The following GPR141 variants were observed in gnomAD, a reference collection of about 807,000 sequenced individuals.
GPR141 encodes the protein G protein-coupled receptor 141.
In GPR141, 6 loss-of-function variants were observed where a neutral mutation model predicts 6.8. The ratio of observed to expected loss-of-function variants is 0.88; its 90% CI spans 0.48 to 1.74. The LOEUF (loss-of-function observed/expected upper bound fraction) is 1.74. GPR141 is among the 40% of genes most tolerant of loss of function. The probability of loss-of-function intolerance (pLI) is 0.01; values close to 1 mark genes in which losing one functional copy is unlikely to be tolerated. For synonymous variants in GPR141, 140 were observed against 142.3 expected (o/e 0.98, Z 0.11); for missense variants, 372 against 372.9 (o/e 1.00, Z 0.02).
At position 37,742,608 on chromosome 7, in the gene GPR141, T is replaced by C. The variant is rs1812621213; in HGVS notation, c.*1297T>C. On this transcript the variant is annotated 3_prime_UTR_variant, in exon 3 of 3. Coordinates refer to ENST00000334425, the MANE Select transcript of GPR141 (RefSeq NM_001381946.1). ...TTTAAAAGAGGACTTTTGAGAAGTATATAGAAAAACCATTAATTTAGACTC... is the reference window on the plus strand; with the variant it reads ...TTTAAAAGAGGACTTTTGAGAAGTACATAGAAAAACCATTAATTTAGACTC... Among the ~76,000 whole-genome samples, 5 of 152,302 alleles carry C rather than the reference T, an allele frequency of 3.3e-5. No individual in the cohort carries two copies. The South Asian group carries it at 1.0e-3, about 32-fold the overall frequency.
chr7:37,732,340 C>G (rs931471681), intron 2 of GPR141, among the ~76,000 whole-genome samples: 4 of 151,496 alleles, frequency 2.6e-5, no homozygotes, highest in Non-Finnish European at 5.9e-5. Context: ...AGAGTCAGAG[C>G]CCCCTCACCT....
rs796220400 is a variant in GPR141, at chr7:37,703,941, T to TA, written c.-15+18364dup. Among the ~76,000 whole-genome samples, 4 of 152,146 alleles carry TA rather than the reference T, an allele frequency of 2.6e-5. No individual in the cohort carries two copies. In the East Asian group the frequency reaches 7.7e-4, roughly 29 times the overall value. On this transcript the variant is annotated intron_variant, in intron 2 of 2. Coordinates refer to ENST00000334425, the MANE Select transcript of GPR141 (RefSeq NM_001381946.1). Reference sequence around the variant, plus strand: ...TATTTTTCAAAATGCCTATACATTTTAAAAAATCACTTACTTTTAATATAT... The same window carrying TA: ...TATTTTTCAAAATGCCTATACATTTTAAAAAAATCACTTACTTTTAATATAT...
intron 2 of GPR141, among the ~76,000 whole-genome samples, chr7:37,726,934 G>A (rs1014548063): frequency 1.3e-5 from 2 of 152,198 alleles, no homozygotes; most frequent in Non-Finnish European, 2.9e-5. Flanking sequence ...GAGAAAAAGA[G>A]GAATTAGGGA....
Position 37,685,581 on chromosome 7 carries a change from C to T in GPR141, c.-17C>T, listed in dbSNP as rs960610092. On this transcript the variant is annotated splice_region_variant and 5_prime_UTR_variant, in exon 2 of 3. Coordinates refer to ENST00000334425, the MANE Select transcript of GPR141 (RefSeq NM_001381946.1). ...TCAGCCTCCTCAGTAGCTGAGACTA[C>T]AGGTACTTGCCACCACACCTGGCTA... 7 of 151,956 alleles carry T rather than the reference C, an allele frequency of 4.6e-5. No individual in the cohort carries two copies. The highest frequency in any genetic ancestry group is 4.6e-4 in the Admixed American group (7 of 15,220). The allele number at this position is 151,956 out of a possible 1,614,324, so 9.4% of individuals were successfully genotyped here.
At chr7:37,711,575 T>C (rs1810797408) in intron 2 of GPR141, among the ~76,000 whole-genome samples, 1 of 152,162 alleles carries the variant, frequency 6.6e-6, no homozygotes, top group Non-Finnish European at 1.5e-5. Context: ...TTGAGATAAC[T>C]CCTCCTTTTA....
At chr7:37,739,501 C>T (rs548942533) in intron 2 of GPR141, among the ~76,000 whole-genome samples, 4 of 152,066 alleles carry the variant, frequency 2.6e-5, no homozygotes, top group South Asian at 4.1e-4. Flanking sequence ...CAATCTTTAT[C>T]GTAGGAGAGA....
At chr7:37,699,121 C>G (rs978250649) in intron 2 of GPR141, among the ~76,000 whole-genome samples, 7 of 152,196 alleles carry the variant, frequency 4.6e-5, no homozygotes, top group African/African-American at 7.2e-5. Context: ...TAATAGAAAA[C>G]ATACTTTGAT....
rs74350306 is a variant in GPR141, at chr7:37,722,238, T to C, written c.-14-18142T>C. 5.6e-3 allele frequency among the ~76,000 whole-genome samples: 860 copies of C among 152,216 alleles called. 19 individuals carry two copies. The East Asian group carries it at 0.057, about 10-fold the overall frequency. On this transcript the variant is annotated intron_variant, in intron 2 of 2. Transcript: ENST00000334425. ...GTTAGAAACATAACATCATTGAAAA[T>C]TTGATTAAATCACTTTGGAGACATC...
intron 2 of GPR141, among the ~76,000 whole-genome samples, chr7:37,718,976 G>A (rs1811182851): frequency 6.6e-6 from 1 of 152,182 alleles, no homozygotes; most frequent in Admixed American, 6.5e-5. Context: ...GCAGGGTGGG[G>A]GATAGGGTTG....
At chr7:37,686,400 G>A (rs1809514950) in intron 2 of GPR141, among the ~76,000 whole-genome samples, 1 of 152,070 alleles carries the variant, frequency 6.6e-6, no homozygotes, top group Non-Finnish European at 1.5e-5. Context: ...TAGTTCATAC[G>A]TTATACCAAA....
At chr7:37,728,988 T>C (rs1219683272) in intron 2 of GPR141, among the ~76,000 whole-genome samples, 2 of 152,146 alleles carry the variant, frequency 1.3e-5, no homozygotes, top group South Asian at 2.1e-4. Flanking sequence ...TCTAGTTGTT[T>C]AGCTGTACAT....
chr7:37,740,401 G>A lies in GPR141; in HGVS notation c.8G>A (p.Gly3Asp), dbSNP rs1812470952. 1 of 1,594,144 alleles carries A rather than the reference G, an allele frequency of 6.3e-7. No individual in the cohort carries two copies. Among genetic ancestry groups the A allele is most frequent in the South Asian group, 1.1e-5 (1 of 88,444 alleles). MP[G>D]HNTSRNSSCD... The stretch of plus-strand genomic sequence containing the variant: ...CCAGGTGACTTCCCAAGTATGCCTG[G>A]CCACAATACCTCCAGGAATTCCTCT... Residue 3 changes from glycine (G) to aspartate (D), a missense_variant, in exon 3 of 3, where the codon GGC becomes GAC. By Grantham distance (94) the Gly-to-Asp change is moderately conservative. Coordinates refer to ENST00000334425, the MANE Select transcript of GPR141 (RefSeq NM_001381946.1).
Position 37,741,276 on chromosome 7 carries a change from A to AT in GPR141, c.884dup (p.Ile296AsnfsTer62). ...GGGAAGCCATTGGTTTAAGCAAAAG[A>AT]TAATTGGCTTATGGAATTGTGTTTT... On this transcript the variant is annotated frameshift_variant, in exon 3 of 3. Coordinates refer to ENST00000334425, the MANE Select transcript of GPR141 (RefSeq NM_001381946.1). LOFTEE classifies it high-confidence loss of function. 2 of 1,601,400 alleles carry AT rather than the reference A, an allele frequency of 1.2e-6. No homozygotes were observed. The highest frequency in any genetic ancestry group is 1.7e-6 in the Non-Finnish European group (2 of 1,172,230).
intron 2 of GPR141, among the ~76,000 whole-genome samples, chr7:37,714,509 T>C (rs1420976530): frequency 6.6e-6 from 1 of 152,164 alleles, no homozygotes; most frequent in African/African-American, 2.4e-5. Flanking sequence ...TTCTAGAGTA[T>C]TGGGTTTATA....
At chr7:37,688,848 G>A (rs988092793) in intron 2 of GPR141, among the ~76,000 whole-genome samples, 19 of 152,112 alleles carry the variant, frequency 1.2e-4, no homozygotes, top group African/African-American at 4.3e-4. Flanking sequence ...CTTGACTAAA[G>A]AGAGAGTCTG....
At chr7:37,701,503 C>T (rs1002240999) in intron 2 of GPR141, among the ~76,000 whole-genome samples, 1 of 152,130 alleles carries the variant, frequency 6.6e-6, no homozygotes. Context: ...ATGGGACTCC[C>T]AGTAAAATTT....
chr7:37,698,100 A>G (rs1029157546), intron 2 of GPR141, among the ~76,000 whole-genome samples: 1 of 152,142 alleles, frequency 6.6e-6, no homozygotes, highest in Non-Finnish European at 1.5e-5. Context: ...CTTTATAAAA[A>G]CCGTGATGAT....
intron 2 of GPR141, among the ~76,000 whole-genome samples, chr7:37,702,558 A>G (rs1009608110): frequency 6.6e-6 from 1 of 151,940 alleles, no homozygotes; most frequent in South Asian, 2.1e-4. Flanking sequence ...CTCAAACAAT[A>G]CACATATCTC....
Position 37,720,106 on chromosome 7 carries a change from G to A in GPR141, c.-14-20274G>A, listed in dbSNP as rs909189029. Among the ~76,000 whole-genome samples the A allele has an allele frequency of 3.3e-5, 5 of 152,140 alleles. No homozygotes were observed. The East Asian group carries it at 5.8e-4, about 18-fold the overall frequency. On this transcript the variant is annotated intron_variant, in intron 2 of 2. Transcript: ENST00000334425. Reference sequence around the variant, plus strand: ...ACATGAAAGAAAAGGGTTCCAGGGTGTCGGGAGATTGATGGGGTTCAGGAA... The same window carrying A: ...ACATGAAAGAAAAGGGTTCCAGGGTATCGGGAGATTGATGGGGTTCAGGAA...
Sources: allele counts gnomAD v4.1 joint callset (sites outside exome capture counted in the v4.1 genomes callset), GRCh38; gene constraint gnomAD v4.1.1; transcripts MANE v1.5; gene names NCBI Gene and HGNC (gene_info 2026-07-23, HGNC 2026-07-21).